Variants in TRPM7 observed in about 807,000 individuals in gnomAD.
TRPM7 encodes the protein LTRPC ion channel family member 7.
Under a neutral mutation model 229.7 loss-of-function variants are expected in TRPM7, and 134 were observed. The ratio of observed to expected loss-of-function variants is 0.58; its 90% CI spans 0.51 to 0.67. The LOEUF (loss-of-function observed/expected upper bound fraction) is 0.67, where lower values mean the gene tolerates loss of function less well. TRPM7 is among the 30% of genes least tolerant of loss of function. The pLI is 0.00. For missense variants in TRPM7, 1,901 were observed against 2,210.0 expected, an observed-to-expected ratio of 0.86 and a Z score of 2.80; for synonymous variants, 699 against 715.2, an observed-to-expected ratio of 0.98 and a Z score of 0.36.
At chr15:50,673,679 T>A (rs2062038327) in intron 1 of TRPM7, among the ~76,000 whole-genome samples, 1 of 152,220 alleles carries the variant, frequency 6.6e-6, no homozygotes, top group Non-Finnish European at 1.5e-5. Flanking sequence ...CTCGTTGACT[T>A]GATGGGCATT....
At chr15:50,658,930 GGCTCACGCCTGTAATGCCA>G in intron 2 of TRPM7, among the ~76,000 whole-genome samples, 1 of 152,338 alleles carries the variant, frequency 6.6e-6, no homozygotes, top group Non-Finnish European at 1.5e-5. Context: ...CAGGCGCAGT[GGCTCACGCCTGTAATGCCA>G]GCACTTTGGG....
Position 50,624,213 on chromosome 15 carries a change from T to C in TRPM7, c.1393A>G (p.Met465Val). Residue 465 changes from methionine (M) to valine (V), a missense_variant, in exon 12 of 39, where the codon ATG (methionine) becomes GTG (valine). By Grantham distance (21) the Met-to-Val change is conservative. Transcript: ENST00000646667. ...CTCGGAATGGTAAGGAATTTATGCA[T>C]GCTTACTCCATTTTCAATAAGAAGT... ...VKLLIENGVS[M>V]HKFLTIPRLE... 1 of 1,613,028 alleles carries C rather than the reference T, an allele frequency of 6.2e-7. No individual in the cohort carries two copies. Among genetic ancestry groups the C allele is most frequent in the Non-Finnish European group, 8.5e-7 (1 of 1,179,482 alleles).
At position 50,632,878 on chromosome 15, in the gene TRPM7, T is replaced by G; in HGVS notation, c.1122A>C (p.Arg374Ser). The G allele has an allele frequency of 6.5e-7, 1 of 1,532,434 alleles. No individual in the cohort carries two copies. Among genetic ancestry groups the G allele is most frequent in the Non-Finnish European group, 8.7e-7 (1 of 1,147,562 alleles). 94.9% of individuals were successfully genotyped at this position (1,532,434 alleles called of 1,614,324 possible). The stretch of plus-strand genomic sequence containing the variant: ...GCTGAAATCTACTTACAAGCTCCTT[T>G]CTTTTCATGCACTCCATCAGTGTTT... Reference protein sequence around the residue: ...LFQTLMECMKRKELITVFHIG... With the variant: ...LFQTLMECMKSKELITVFHIG... Residue 374 changes from arginine to serine, a missense_variant, in exon 9 of 39, where the codon AGA (arginine) becomes AGC (serine). Around this residue, in one of 8 missense-constraint regions of TRPM7, gnomAD observed 794 missense variants for 881.9 expected, o/e 0.90. Coordinates refer to ENST00000646667, the MANE Select transcript of TRPM7 (RefSeq NM_017672.6).
At chr15:50,615,921 C>T (rs2060210676) in intron 13 of TRPM7, among the ~76,000 whole-genome samples, 1 of 152,144 alleles carries the variant, frequency 6.6e-6, no homozygotes, top group Non-Finnish European at 1.5e-5. Flanking sequence ...ATATTGGTTT[C>T]ATCTGTGAAA....
chr15:50,669,640 G>T (rs1437361371), intron 1 of TRPM7, among the ~76,000 whole-genome samples: 1 of 152,140 alleles, frequency 6.6e-6, no homozygotes, highest in East Asian at 1.9e-4. Flanking sequence ...GGACACTGGA[G>T]TGAGAAAAAA....
Position 50,612,617 on chromosome 15 carries a change from T to A in TRPM7, c.1983A>T (p.Ser661=). The A allele has an allele frequency of 6.2e-7, 1 of 1,614,166 alleles. No individual in the cohort carries two copies. Among genetic ancestry groups the A allele is most frequent in the Non-Finnish European group, 8.5e-7 (1 of 1,180,018 alleles). ...KALVACKIYR[S]MAYEAKQSDL... ...CACTCTGCTTTGCTTCATATGCCAT[T>A]GAACGATAGATCTTACAGGCAACTA... Residue 661 remains serine (S), a synonymous_variant, in exon 16 of 39, where the codon TCA becomes TCT. Coordinates refer to ENST00000646667, the MANE Select transcript of TRPM7 (RefSeq NM_017672.6).
chr15:50,588,420 A>G (rs2059399515), intron 27 of TRPM7, among the ~76,000 whole-genome samples: 2 of 152,182 alleles, frequency 1.3e-5, no homozygotes, highest in South Asian at 4.1e-4. Context: ...ATTTAGTACA[A>G]TACTTTAATC....
At chr15:50,626,223 T>A (rs1471802716) in intron 11 of TRPM7, among the ~76,000 whole-genome samples, 1 of 152,150 alleles carries the variant, frequency 6.6e-6, no homozygotes, top group African/African-American at 2.4e-5. Flanking sequence ...TTATTATAAA[T>A]CATTTTTTCT....
intron 1 of TRPM7, among the ~76,000 whole-genome samples, chr15:50,684,145 CTGAT>C (rs1465123041): frequency 4.0e-5 from 6 of 151,310 alleles, no homozygotes; most frequent in Non-Finnish European, 8.8e-5. Flanking sequence ...TGCGCCCCAC[CTGAT>C]TAAGTCGTTT....
chr15:50,685,478 AT>A (rs1266932690), intron 1 of TRPM7, among the ~76,000 whole-genome samples: 2 of 152,234 alleles, frequency 1.3e-5, no homozygotes, highest in East Asian at 3.8e-4. Flanking sequence ...ACAAAAAAGA[AT>A]AAGGTGGAAA....
At chr15:50,612,346 C>A (rs998366151) in intron 16 of TRPM7, among the ~76,000 whole-genome samples, 1 of 152,026 alleles carries the variant, frequency 6.6e-6, no homozygotes. Context: ...TCTTGAGTTG[C>A]AAATATAATA....
chr15:50,587,622 C>T (rs907254440), intron 27 of TRPM7, among the ~76,000 whole-genome samples: 4 of 152,086 alleles, frequency 2.6e-5, no homozygotes, highest in East Asian at 1.9e-4. Context: ...GATGCTTTAC[C>T]TTTTCCCATT....
At chr15:50,672,684 C>T (rs138330051) in intron 1 of TRPM7, among the ~76,000 whole-genome samples, 167 of 151,756 alleles carry the variant, frequency 1.1e-3, no homozygotes, top group African/African-American at 3.7e-3. Context: ...CTGAGGCAGG[C>T]GGATCATCTG....
chr15:50,676,822 T>A (rs1458580805), intron 1 of TRPM7, among the ~76,000 whole-genome samples: 2 of 152,146 alleles, frequency 1.3e-5, no homozygotes, highest in African/African-American at 4.8e-5. Context: ...TGGAAAGTGA[T>A]GGGAAAGTTT....
At chr15:50,650,206 A>C (rs2140846772) in intron 3 of TRPM7, among the ~76,000 whole-genome samples, 1 of 150,160 alleles carries the variant, frequency 6.7e-6, no homozygotes, top group East Asian at 2.0e-4. Context: ...AAAAAAAAAA[A>C]AAAAAAAAAA....
Position 50,609,971 on chromosome 15 carries a change from T to C in TRPM7, c.2281-10A>G. On this transcript the variant is annotated splice_polypyrimidine_tract_variant and intron_variant, in intron 17 of 38. Coordinates refer to ENST00000646667, the MANE Select transcript of TRPM7 (RefSeq NM_017672.6). ...AAATGCTTAGTATGACCTAAATTTT[T>C]AGAAACATAATTTTGCATTTAAAAA... 1 of 1,549,120 alleles carries C rather than the reference T, an allele frequency of 6.5e-7. No homozygotes were observed. Among genetic ancestry groups the C allele is most frequent in the East Asian group, 2.3e-5 (1 of 43,904 alleles).
Position 50,612,694 on chromosome 15 carries a change from C to T in TRPM7, c.1906G>A (p.Val636Ile), listed in dbSNP as rs775740544. ...LIWACLMKRQ[V>I]MARFLWQHGE... ...TGTTGCCATAAAAAACGGGCCATGA[C>T]CTGCCTCTTCATAAGGCAAGCCCAA... The change falls in exon 16 of 39, where the codon GTC (valine) becomes ATC (isoleucine). Residue 636 changes from valine (V) to isoleucine (I), a missense_variant. Physicochemically the swap from Val to Ile is conservative, Grantham distance 29. Transcript: ENST00000646667. The T allele has an allele frequency of 1.2e-6, 2 of 1,614,142 alleles. No individual in the cohort carries two copies. Among genetic ancestry groups the T allele is most frequent in the Non-Finnish European group, 1.7e-6 (2 of 1,180,022 alleles).
At chr15:50,679,968 T>C (rs998443646) in intron 1 of TRPM7, among the ~76,000 whole-genome samples, 1 of 152,054 alleles carries the variant, frequency 6.6e-6, no homozygotes, top group Non-Finnish European at 1.5e-5. Flanking sequence ...GGGCGGTGGC[T>C]CACGCTTGTA....
intron 12 of TRPM7, 142 bp downstream of exon 12, chr15:50,624,024 C>A: frequency 1.3e-6 from 1 of 795,200 alleles, no homozygotes; most frequent in Non-Finnish European, 1.9e-6. Flanking sequence ...TACAACCAAT[C>A]CATACTAAGA....
Sources: allele counts gnomAD v4.1 joint callset (sites outside exome capture counted in the v4.1 genomes callset), GRCh38; gene constraint gnomAD v4.1.1; regional missense constraint gnomAD v4.1.1; transcripts MANE v1.5; gene names NCBI Gene and HGNC (gene_info 2026-07-23, HGNC 2026-07-21).